Variants in CTNNA3 observed in about 807,000 individuals in gnomAD.
CTNNA3 encodes catenin alpha 3.
A neutral mutation model predicts 95.7 loss-of-function variants in CTNNA3; 76 were observed. The observed-to-expected ratio is 0.79, with a 90% confidence interval of 0.66 to 0.96. The LOEUF (loss-of-function observed/expected upper bound fraction) is 0.96. Ranked by LOEUF, CTNNA3 falls within the 40% of genes least tolerant of loss-of-function variation. CTNNA3 has a pLI of 0.00. For synonymous variants in CTNNA3, 431 were observed against 374.4 expected, an observed-to-expected ratio of 1.15 and a Z score of -1.74; for missense variants, 1,191 against 1,089.8, an observed-to-expected ratio of 1.09 and a Z score of -1.31.
At chr10:67,080,153 C>T (rs1398643635) in intron 7 of CTNNA3, among the ~76,000 whole-genome samples, 1 of 152,128 alleles carries the variant, frequency 6.6e-6, no homozygotes, top group Non-Finnish European at 1.5e-5. Flanking sequence ...TTAAAAAATT[C>T]CCTCTTCTCA....
intron 5 of CTNNA3, among the ~76,000 whole-genome samples, chr10:67,322,454 C>T (rs935896113): frequency 8.5e-5 from 13 of 152,184 alleles, no homozygotes; most frequent in African/African-American, 3.1e-4. Flanking sequence ...TTAGCTCCCA[C>T]TTATAAGTGA....
intron 1 of CTNNA3, among the ~76,000 whole-genome samples, chr10:67,740,747 G>A (rs1234287279): frequency 1.3e-5 from 2 of 151,410 alleles, no homozygotes; most frequent in East Asian, 1.9e-4. Flanking sequence ...GGAAGACAGT[G>A]TGGCAATTCC....
chr10:67,571,702 G>C (rs530677344), intron 3 of CTNNA3, among the ~76,000 whole-genome samples: 2 of 152,278 alleles, frequency 1.3e-5, no homozygotes, highest in Non-Finnish European at 2.9e-5. Flanking sequence ...AAATCTACGA[G>C]GGGGTGAGGG....
intron 7 of CTNNA3, among the ~76,000 whole-genome samples, chr10:66,903,996 A>G (rs901378324): frequency 2.0e-5 from 3 of 152,302 alleles, no homozygotes; most frequent in Admixed American, 6.5e-5. Context: ...CCAAGCTACC[A>G]ATGACTTTCT....
chr10:66,428,136 A>T (rs1476758936), intron 11 of CTNNA3, among the ~76,000 whole-genome samples: 1 of 152,184 alleles, frequency 6.6e-6, no homozygotes, highest in South Asian at 2.1e-4. Flanking sequence ...TAAACCAACA[A>T]AGATCAAAAG....
intron 1 of CTNNA3, among the ~76,000 whole-genome samples, chr10:67,653,956 G>C (rs1839948543): frequency 6.6e-6 from 1 of 152,162 alleles, no homozygotes; most frequent in Non-Finnish European, 1.5e-5. Context: ...TTCCAAGACT[G>C]AACCATTCAA....
At chr10:67,011,228 C>A (rs1852312104) in intron 7 of CTNNA3, among the ~76,000 whole-genome samples, 1 of 151,620 alleles carries the variant, frequency 6.6e-6, no homozygotes, top group Non-Finnish European at 1.5e-5. Flanking sequence ...GTAGTCCCAG[C>A]TACTCGGGAG....
chr10:66,935,308 C>T (rs1847633357), intron 7 of CTNNA3, among the ~76,000 whole-genome samples: 1 of 151,888 alleles, frequency 6.6e-6, no homozygotes, highest in Non-Finnish European at 1.5e-5. Flanking sequence ...CTCTAAGGTA[C>T]AACAGTGAAA....
chr10:67,070,459 A>C (rs1253204175), intron 7 of CTNNA3, among the ~76,000 whole-genome samples: 1 of 152,094 alleles, frequency 6.6e-6, no homozygotes, highest in East Asian at 1.9e-4. Flanking sequence ...CGATTAAGAA[A>C]TCCTTGTGGC....
chr10:66,231,942 A>G (rs1422289325), intron 13 of CTNNA3, among the ~76,000 whole-genome samples: 4 of 152,212 alleles, frequency 2.6e-5, no homozygotes, highest in African/African-American at 9.6e-5. Flanking sequence ...TCTCAATGCT[A>G]TACTGCTACT....
chr10:67,430,853 A>ACACACACC (rs1046467004), intron 5 of CTNNA3, among the ~76,000 whole-genome samples: 56 of 150,050 alleles, frequency 3.7e-4, no homozygotes, highest in African/African-American at 5.1e-4. Flanking sequence ...ACACACACAC[A>ACACACACC]CCCTCACACA....
chr10:66,839,769 A>C (rs1380111738), intron 7 of CTNNA3, among the ~76,000 whole-genome samples: 2 of 152,176 alleles, frequency 1.3e-5, no homozygotes, highest in African/African-American at 4.8e-5. Flanking sequence ...ACAGAAAAAG[A>C]GAACAAATTA....
chr10:67,283,145 A>G (rs1418471599), intron 5 of CTNNA3, among the ~76,000 whole-genome samples: 1 of 152,160 alleles, frequency 6.6e-6, no homozygotes, highest in African/African-American at 2.4e-5. Context: ...TCATATTGTT[A>G]TAGAAGGTAG....
chr10:67,237,128 A>ATATG, intron 5 of CTNNA3, among the ~76,000 whole-genome samples: 1 of 21,274 alleles, frequency 4.7e-5, no homozygotes, highest in Non-Finnish European at 8.1e-5. Context: ...TGGTGTATGT[A>ATATG]TATATATATA....
intron 7 of CTNNA3, among the ~76,000 whole-genome samples, chr10:66,872,341 T>C (rs191836232): frequency 3.3e-4 from 50 of 152,246 alleles, no homozygotes; most frequent in African/African-American, 1.2e-3. Flanking sequence ...CAAATTGAGA[T>C]TTTTCTGATT....
intron 5 of CTNNA3, among the ~76,000 whole-genome samples, chr10:67,448,840 A>T: frequency 6.7e-6 from 1 of 148,196 alleles, no homozygotes; most frequent in East Asian, 1.9e-4. Context: ...ACAATTTAGA[A>T]ATATATATTA....
intron 10 of CTNNA3, among the ~76,000 whole-genome samples, chr10:66,544,384 A>C (rs1178366181): frequency 1.3e-5 from 2 of 152,082 alleles, no homozygotes; most frequent in Admixed American, 1.3e-4. Context: ...AAGGAAAACT[A>C]ATCATTGCAA....
intron 2 of CTNNA3, among the ~76,000 whole-genome samples, chr10:67,610,607 G>A (rs1453620685): frequency 6.6e-6 from 1 of 152,188 alleles, no homozygotes; most frequent in African/African-American, 2.4e-5. Flanking sequence ...TTCTCACCAA[G>A]GCGGAGGATA....
intron 5 of CTNNA3, among the ~76,000 whole-genome samples, chr10:67,485,738 T>C (rs960166329): frequency 6.6e-6 from 1 of 152,160 alleles, no homozygotes; most frequent in Non-Finnish European, 1.5e-5. Flanking sequence ...TGCAGCACTT[T>C]CAGTCAGAGA....
Sources: allele counts gnomAD v4.1 joint callset (sites outside exome capture counted in the v4.1 genomes callset), GRCh38; gene constraint gnomAD v4.1.1; transcripts MANE v1.5; gene names NCBI Gene and HGNC (gene_info 2026-07-23, HGNC 2026-07-21).